SLC37A1: variants seen among roughly 807,000 people sequenced by gnomAD.
The protein encoded by SLC37A1 is solute carrier family 37 member 1, also known as glucose-6-phosphate exchanger SLC37A1.
A neutral mutation model predicts 75.3 loss-of-function variants in SLC37A1; 49 were observed. The ratio of observed to expected loss-of-function variants is 0.65; its 90% CI spans 0.52 to 0.83. SLC37A1 has a LOEUF of 0.83. Ranked by LOEUF, SLC37A1 falls within the 40% of genes least tolerant of loss-of-function variation. The probability of loss-of-function intolerance (pLI) is 0.00; values close to 1 mark genes in which losing one functional copy is unlikely to be tolerated. For missense variants in SLC37A1, 566 were observed against 695.0 expected (o/e 0.81, Z 2.09); for synonymous variants, 268 against 292.1 (o/e 0.92, Z 0.84).
intron 2 of SLC37A1, 99 bp from the exon 3 acceptor site, chr21:42,525,677 T>C: frequency 2.5e-6 from 2 of 790,862 alleles, no homozygotes; most frequent in Non-Finnish European, 4.3e-6. Flanking sequence ...ACTGAATGAA[T>C]AATACACAGC....
At position 42,565,858 on chromosome 21, in the gene SLC37A1, G is replaced by A. The variant is rs369430005; in HGVS notation, c.1253G>A (p.Gly418Glu). Residue 418 changes from glycine to glutamate, a missense_variant, in exon 15 of 20, where the codon GGG (glycine) becomes GAG (glutamate). Physicochemically the swap from Gly to Glu is moderately conservative, Grantham distance 98 (BLOSUM62 -2). Transcript: ENST00000352133. ...LYIFSTVSKM[G>E]LEATIAMLLL... is the part of the protein sequence containing the mutation. ...ATCTTCTCCACCGTCAGCAAGATGG[G>A]GCTTGAGGCCACCATCGGTGAGTAT... The A allele has an allele frequency of 1.9e-6, 3 of 1,614,046 alleles. No homozygotes were observed. The highest frequency in any genetic ancestry group is 2.5e-6 in the Non-Finnish European group (3 of 1,179,970).
At chr21:42,553,833 A>G (rs1057510745) in intron 9 of SLC37A1, among the ~76,000 whole-genome samples, 4 of 152,178 alleles carry the variant, frequency 2.6e-5, no homozygotes, top group East Asian at 1.9e-4. Flanking sequence ...TTTACATTTG[A>G]TTACACCTCT....
At chr21:42,572,266 C>T (rs899106603) in intron 17 of SLC37A1, among the ~76,000 whole-genome samples, 10 of 152,132 alleles carry the variant, frequency 6.6e-5, no homozygotes, top group African/African-American at 2.2e-4. Flanking sequence ...TTCCTTACCC[C>T]GGGAGCCTTT....
At chr21:42,575,489 G>T (rs1227718344) in intron 18 of SLC37A1, 1 of 985,276 alleles carries the variant, frequency 1.0e-6, no homozygotes, top group African/African-American at 1.7e-5. Flanking sequence ...CTTTTCTCTG[G>T]GCTCCTGCTT....
At chr21:42,568,254 C>G (rs1198497839) in intron 16 of SLC37A1, 106 bp from the exon 17 acceptor site, 1 of 859,806 alleles carries the variant, frequency 1.2e-6, no homozygotes, top group South Asian at 1.5e-5. Flanking sequence ...AACACCCTCA[C>G]GATGAGTTGT....
At chr21:42,562,377 C>T (rs1203803875) in intron 12 of SLC37A1, among the ~76,000 whole-genome samples, 2 of 152,160 alleles carry the variant, frequency 1.3e-5, no homozygotes, top group Non-Finnish European at 1.5e-5. Flanking sequence ...CTTTATGGGG[C>T]TTCACGGTTG....
intron 18 of SLC37A1, among the ~76,000 whole-genome samples, chr21:42,579,141 A>G (rs562857847): frequency 1.9e-3 from 288 of 152,336 alleles, no homozygotes; most frequent in Non-Finnish European, 3.0e-3. Flanking sequence ...ACGGAGTTAA[A>G]GCTCTGGGTC....
chr21:42,549,291 CTCT>C (rs2055498778), intron 9 of SLC37A1, among the ~76,000 whole-genome samples: 1 of 152,310 alleles, frequency 6.6e-6, no homozygotes, highest in East Asian at 1.9e-4. Context: ...GGAGGAGCAG[CTCT>C]TCCTCACACA....
intron 18 of SLC37A1, chr21:42,575,894 A>C: frequency 1.9e-5 from 19 of 985,386 alleles, no homozygotes; most frequent in Non-Finnish European, 2.3e-5. Flanking sequence ...TGAATGTTCT[A>C]ATGAAGCCTC....
At chr21:42,506,160 A>G (rs1385161346) in intron 2 of SLC37A1, among the ~76,000 whole-genome samples, 1 of 152,234 alleles carries the variant, frequency 6.6e-6, no homozygotes, top group Non-Finnish European at 1.5e-5. Context: ...ATGTACTCTT[A>G]CAGATGTTCC....
At chr21:42,525,986 G>A in intron 3 of SLC37A1, 129 bp downstream of exon 3, 1 of 598,582 alleles carries the variant, frequency 1.7e-6, no homozygotes, top group Non-Finnish European at 2.9e-6. Context: ...AAGTTATTCT[G>A]CTGCTTTGGC....
chr21:42,562,068 T>C lies in SLC37A1; in HGVS notation c.982-10T>C, dbSNP rs2055844282. 6.2e-7 allele frequency: 1 copy of C among 1,612,552 alleles called. No individual in the cohort carries two copies. ...ATTTGGAGGAGACGCCTGACTGCTCTCTCTTTCAGGGCGTGATAGAGTTCT... is the reference window on the plus strand; with the variant it reads ...ATTTGGAGGAGACGCCTGACTGCTCCCTCTTTCAGGGCGTGATAGAGTTCT... On this transcript the variant is annotated splice_polypyrimidine_tract_variant and intron_variant, in intron 11 of 19. Coordinates refer to ENST00000352133, the MANE Select transcript of SLC37A1 (RefSeq NM_001320537.2).
At chr21:42,579,620 T>C in intron 18 of SLC37A1, 116 bp from the exon 19 acceptor site, 1 of 658,672 alleles carries the variant, frequency 1.5e-6, no homozygotes, top group Admixed American at 3.9e-5. Flanking sequence ...GGGAAGGTGC[T>C]GTGGGGAGAG....
At chr21:42,518,535 T>G (rs1243480176) in intron 2 of SLC37A1, 25 bp downstream of exon 2, 1 of 1,613,934 alleles carries the variant, frequency 6.2e-7, no homozygotes, top group Non-Finnish European at 8.5e-7. Flanking sequence ...GGCAGGCCCT[T>G]GGCATGGAGC....
intron 5 of SLC37A1, among the ~76,000 whole-genome samples, chr21:42,539,294 GAAATA>G (rs1258468892): frequency 6.6e-6 from 1 of 152,202 alleles, no homozygotes; most frequent in Non-Finnish European, 1.5e-5. Context: ...ACTTCTACTA[GAAATA>G]AAATCTTCTA....
chr21:42,548,351 T>A lies in SLC37A1; in HGVS notation c.768+1211T>A, dbSNP rs894567368. Among the ~76,000 whole-genome samples, 1 of 151,430 alleles carries A rather than the reference T, an allele frequency of 6.6e-6. No homozygotes were observed. Among genetic ancestry groups the A allele is most frequent in the Non-Finnish European group, 1.5e-5 (1 of 67,868 alleles). On this transcript the variant is annotated intron_variant, in intron 9 of 19. Transcript: ENST00000352133. This position sits in a 1 kb window ranked among gnomAD's most constrained non-coding sequence, Gnocchi z 5.6. ...TCAGACTTAACACGACTGGAGGAGA[T>A]CTCTTGATTTTACCCCTGCACAAGC...
At chr21:42,564,356 TC>T (rs2055917126) in intron 13 of SLC37A1, among the ~76,000 whole-genome samples, 1 of 151,942 alleles carries the variant, frequency 6.6e-6, no homozygotes, top group African/African-American at 2.4e-5. Context: ...GCCATTGTGC[TC>T]CAGCCTGGGT....
At chr21:42,573,656 C>T (rs995773154) in intron 17 of SLC37A1, among the ~76,000 whole-genome samples, 3 of 151,788 alleles carry the variant, frequency 2.0e-5, no homozygotes, top group Non-Finnish European at 2.9e-5. Flanking sequence ...ATAGTAAGTG[C>T]ACTTTGTGAA....
chr21:42,520,189 A>T (rs982659672), intron 2 of SLC37A1, among the ~76,000 whole-genome samples: 1 of 152,252 alleles, frequency 6.6e-6, no homozygotes, highest in Admixed American at 6.5e-5. Context: ...AGTCCATGTT[A>T]AAAACAATAT....
Sources: allele counts gnomAD v4.1 joint callset (sites outside exome capture counted in the v4.1 genomes callset), GRCh38; gene constraint gnomAD v4.1.1; non-coding constraint Gnocchi (gnomAD v3.1); transcripts MANE v1.5; gene names NCBI Gene and HGNC (gene_info 2026-07-23, HGNC 2026-07-21).